DCC: variants seen among roughly 807,000 people sequenced by gnomAD.
DCC encodes the protein netrin receptor DCC.
In DCC, 58 loss-of-function variants were observed where a neutral mutation model predicts 172.5. The ratio of observed to expected loss-of-function variants is 0.34; its 90% CI spans 0.27 to 0.42. The LOEUF is 0.42. DCC is among the 10% of genes least tolerant of loss of function. The pLI, the probability that DCC is intolerant of heterozygous loss-of-function variation, is 1.00. For synonymous variants in DCC, 709 were observed against 644.5 expected (o/e 1.10, Z -1.52); for missense variants, 1,740 against 1,791.0 (o/e 0.97, Z 0.51).
chr18:53,124,451 A>G (rs1378857338), intron 7 of DCC, among the ~76,000 whole-genome samples: 1 of 152,076 alleles, frequency 6.6e-6, no homozygotes, highest in Non-Finnish European at 1.5e-5. Flanking sequence ...TGTTAAATCC[A>G]CAACATTGTT....
chr18:53,327,942 T>C (rs1424286617), intron 14 of DCC, among the ~76,000 whole-genome samples: 1 of 152,212 alleles, frequency 6.6e-6, no homozygotes, highest in Non-Finnish European at 1.5e-5. Context: ...GGGAATTTGA[T>C]GGACCAGTGG....
At chr18:52,811,591 GTTTTATTT>G (rs140994425) in intron 2 of DCC, among the ~76,000 whole-genome samples, 3,671 of 151,682 alleles carry the variant, frequency 0.024, 97 homozygotes, top group East Asian at 0.088. Flanking sequence ...ACTGGTGAAA[GTTTTATTT>G]TTTTACATTA....
At chr18:52,589,631 A>G (rs1262094336) in intron 1 of DCC, among the ~76,000 whole-genome samples, 2 of 152,030 alleles carry the variant, frequency 1.3e-5, no homozygotes, top group African/African-American at 4.8e-5. Context: ...TGTCTAATAA[A>G]ATGTAGCTAA....
At chr18:52,911,142 A>G (rs1026062637) in intron 3 of DCC, among the ~76,000 whole-genome samples, 2 of 152,110 alleles carry the variant, frequency 1.3e-5, no homozygotes, top group Non-Finnish European at 2.9e-5. Flanking sequence ...AATAGATTCC[A>G]TTTCTATGGA....
At chr18:52,565,573 G>A (rs1568231914) in intron 1 of DCC, among the ~76,000 whole-genome samples, 1 of 152,138 alleles carries the variant, frequency 6.6e-6, no homozygotes, top group Non-Finnish European at 1.5e-5. Context: ...GTTTTGATTT[G>A]CTTTTCTCTA....
chr18:52,389,537 G>C (rs1461173185), intron 1 of DCC, among the ~76,000 whole-genome samples: 1 of 152,072 alleles, frequency 6.6e-6, no homozygotes, highest in Non-Finnish European at 1.5e-5. Context: ...CAATAGTGAT[G>C]AGATTGAGAA....
chr18:52,795,844 C>G (rs2037864654), intron 2 of DCC, among the ~76,000 whole-genome samples: 1 of 151,888 alleles, frequency 6.6e-6, no homozygotes, highest in African/African-American at 2.4e-5. Flanking sequence ...TTCATTGATG[C>G]AATAGTTGCT....
At chr18:52,352,839 C>G (rs922318789) in intron 1 of DCC, among the ~76,000 whole-genome samples, 1 of 152,142 alleles carries the variant, frequency 6.6e-6, no homozygotes, top group Non-Finnish European at 1.5e-5. Flanking sequence ...TCTTTCTACT[C>G]CAAGTGTGCA....
chr18:52,610,039 C>T (rs1242521215), intron 1 of DCC, among the ~76,000 whole-genome samples: 9 of 147,494 alleles, frequency 6.1e-5, no homozygotes, highest in Non-Finnish European at 8.9e-5. Context: ...TAAGACTGGG[C>T]GCGGTGGCTT....
chr18:53,275,802 C>A lies in DCC; in HGVS notation c.1912-29776C>A, dbSNP rs570435810. Among the ~76,000 whole-genome samples, 131 of 152,076 alleles carry A rather than the reference C, an allele frequency of 8.6e-4. 1 individual carries two copies. Among genetic ancestry groups the A allele is most frequent in the African/African-American group, 3.1e-3 (127 of 41,488 alleles). ...GGTCATCGCTGATAATGTGTATAACCAAATGTTATTGACTATAATTTTTTT... is the reference window on the plus strand; with the variant it reads ...GGTCATCGCTGATAATGTGTATAACAAAATGTTATTGACTATAATTTTTTT... On this transcript the variant is annotated intron_variant, in intron 12 of 28. Transcript: ENST00000442544.
At chr18:52,375,186 CAA>C (rs1985295361) in intron 1 of DCC, among the ~76,000 whole-genome samples, 1 of 151,980 alleles carries the variant, frequency 6.6e-6, no homozygotes, top group Non-Finnish European at 1.5e-5. Flanking sequence ...TCTATAGAGA[CAA>C]AAAATGAGAA....
chr18:52,391,405 G>T (rs745497449), intron 1 of DCC, among the ~76,000 whole-genome samples: 11 of 152,000 alleles, frequency 7.2e-5, no homozygotes, highest in Non-Finnish European at 1.5e-4. Context: ...TCTAATTTCT[G>T]GTTTTGCATC....
intron 2 of DCC, among the ~76,000 whole-genome samples, chr18:52,814,391 G>C (rs2038253765): frequency 6.6e-6 from 1 of 152,228 alleles, no homozygotes; most frequent in Non-Finnish European, 1.5e-5. Context: ...GACACAAGCA[G>C]CTGAGCTTAG....
intron 2 of DCC, among the ~76,000 whole-genome samples, chr18:52,791,209 G>T (rs2037760822): frequency 6.6e-6 from 1 of 152,142 alleles, no homozygotes; most frequent in South Asian, 2.1e-4. Flanking sequence ...AAAGAGCCGG[G>T]CTGATTTTGC....
At chr18:53,233,391 C>T (rs2056152105) in intron 12 of DCC, among the ~76,000 whole-genome samples, 3 of 152,280 alleles carry the variant, frequency 2.0e-5, no homozygotes, top group Admixed American at 2.0e-4. Context: ...ATAGATCTAG[C>T]TCATTTTCAT....
chr18:53,411,747 C>G (rs1048659051), intron 20 of DCC, among the ~76,000 whole-genome samples: 2 of 152,088 alleles, frequency 1.3e-5, no homozygotes, highest in African/African-American at 4.8e-5. Flanking sequence ...CATGACAGTT[C>G]TTAATGGCGG....
chr18:52,801,736 A>G (rs78859004), intron 2 of DCC, among the ~76,000 whole-genome samples: 6,571 of 152,296 alleles, frequency 0.043, 221 homozygotes, highest in South Asian at 0.16. Flanking sequence ...AACATCTTAC[A>G]TGACAGTGGT....
At chr18:53,429,148 G>A (rs1193403963) in intron 21 of DCC, among the ~76,000 whole-genome samples, 6 of 121,130 alleles carry the variant, frequency 5.0e-5, no homozygotes, top group Middle Eastern at 4.1e-3. Context: ...TATATCGGTT[G>A]GTCTGGCGAA....
chr18:53,260,306 GCT>G (rs2056579428), intron 12 of DCC, among the ~76,000 whole-genome samples: 1 of 152,040 alleles, frequency 6.6e-6, no homozygotes, highest in Admixed American at 6.6e-5. Flanking sequence ...CAGTTTTTCT[GCT>G]CTGTTTTTTC....
Sources: gnomAD v4.1 joint callset for allele counts (sites outside exome capture counted in the v4.1 genomes callset) on GRCh38, gnomAD v4.1.1 for gene constraint, MANE v1.5 for transcripts, NCBI Gene and HGNC (gene_info 2026-07-23, HGNC 2026-07-21) for gene names.